The following PRAG1 variants were observed in gnomAD, a reference collection of about 807,000 sequenced individuals.
The protein encoded by PRAG1 is inactive tyrosine-protein kinase PRAG1.
A neutral mutation model predicts 95.6 loss-of-function variants in PRAG1; 110 were observed. The observed-to-expected ratio is 1.15, with a 90% CI of 0.99 to 1.35. PRAG1 has a LOEUF of 1.35. PRAG1 is among the 40% of genes most tolerant of loss of function. PRAG1 has a pLI of 0.00. For synonymous variants in PRAG1, 1,052 were observed against 819.4 expected (o/e 1.28, Z -4.85); for missense variants, 2,554 against 1,864.7 (o/e 1.37, Z -6.81).
chr8:8,381,252 G>C (rs1038988436), intron 2 of PRAG1, among the ~76,000 whole-genome samples, 166 bp downstream of exon 2: 2 of 152,226 alleles, frequency 1.3e-5, no homozygotes, highest in Admixed American at 6.5e-5. Context: ...AGAGAAAGGA[G>C]AGCAGCTACA....
intron 3 of PRAG1, among the ~76,000 whole-genome samples, chr8:8,350,374 A>T (rs895650275): frequency 3.3e-5 from 5 of 152,228 alleles, no homozygotes; most frequent in Admixed American, 6.5e-5. Flanking sequence ...CTCTAAAATG[A>T]TCACCTAAGA....
chr8:8,344,475 A>T (rs955609707), intron 3 of PRAG1, among the ~76,000 whole-genome samples: 6 of 152,246 alleles, frequency 3.9e-5, no homozygotes, highest in Non-Finnish European at 8.8e-5. Context: ...GATACTCATC[A>T]ACTTCAAGAC....
chr8:8,324,970 G>A (rs1798587610), intron 5 of PRAG1, among the ~76,000 whole-genome samples: 1 of 152,200 alleles, frequency 6.6e-6, no homozygotes, highest in African/African-American at 2.4e-5. Context: ...TCCAGCATCA[G>A]CAAGGAGCAG....
At chr8:8,349,143 C>T (rs951739330) in intron 3 of PRAG1, among the ~76,000 whole-genome samples, 4 of 152,104 alleles carry the variant, frequency 2.6e-5, no homozygotes, top group Non-Finnish European at 5.9e-5. Context: ...ACAAAATACA[C>T]CTGTTCTAAA....
chr8:8,374,503 C>A (rs2116926883), intron 3 of PRAG1: 1 of 290,710 alleles, frequency 3.4e-6, no homozygotes, highest in East Asian at 1.8e-4. Context: ...GTTACCCTAG[C>A]TTTCTATCTC....
intron 3 of PRAG1, among the ~76,000 whole-genome samples, chr8:8,359,573 G>T (rs945050316): frequency 6.6e-6 from 1 of 152,146 alleles, no homozygotes; most frequent in African/African-American, 2.4e-5. Flanking sequence ...TAAAATTGGA[G>T]TATTGGATGA....
In PRAG1 at chr8:8,371,079, T is replaced by C. The variant is rs1181030898; in HGVS notation, c.2162+5168A>G. 2.3e-5 allele frequency among the ~76,000 whole-genome samples: 3 copies of C among 132,462 alleles called. No homozygotes were observed. The Admixed American group carries it at 2.7e-4, about 12-fold the overall frequency. The allele number at this position is 132,462 out of a possible 152,430, so 86.9% of individuals were successfully genotyped here. ...TGAACCCGGGAGGCGGAGGTTGCAGTAAGGCAAGGTACCACCACTGTACTC... is the reference window on the plus strand; with the variant it reads ...TGAACCCGGGAGGCGGAGGTTGCAGCAAGGCAAGGTACCACCACTGTACTC... On this transcript the variant is annotated intron_variant, in intron 3 of 5. Transcript: ENST00000615670.
intron 4 of PRAG1, among the ~76,000 whole-genome samples, chr8:8,330,238 T>C (rs2945902): frequency 0.22 from 32,872 of 151,832 alleles, 3,977 homozygotes; most frequent in African/African-American, 0.33. Flanking sequence ...TGGTGGTGCA[T>C]GCCTATAATC....
At chr8:8,370,741 A>G (rs1800165261) in intron 3 of PRAG1, among the ~76,000 whole-genome samples, 1 of 152,164 alleles carries the variant, frequency 6.6e-6, no homozygotes, top group African/African-American at 2.4e-5. Flanking sequence ...CACACAGTGA[A>G]GTCATGTCAG....
At chr8:8,365,367 T>G (rs1334474945) in intron 3 of PRAG1, among the ~76,000 whole-genome samples, 2 of 152,176 alleles carry the variant, frequency 1.3e-5, no homozygotes, top group African/African-American at 4.8e-5. Context: ...CTCACACCTG[T>G]AATCCCAACA....
chr8:8,321,731 G>A (rs1798477368), intron 5 of PRAG1, among the ~76,000 whole-genome samples: 4 of 152,126 alleles, frequency 2.6e-5, no homozygotes, highest in Admixed American at 2.6e-4. Context: ...GAGGTCAAAA[G>A]CATGGGCTCT....
chr8:8,366,911 C>G (rs1476823454), intron 3 of PRAG1, among the ~76,000 whole-genome samples: 2 of 152,054 alleles, frequency 1.3e-5, no homozygotes, highest in East Asian at 3.9e-4. Context: ...CTCCTGGGTG[C>G]AAGTGATTCT....
chr8:8,370,426 T>C (rs562435651), intron 3 of PRAG1, among the ~76,000 whole-genome samples: 10 of 152,342 alleles, frequency 6.6e-5, no homozygotes, highest in Admixed American at 3.3e-4. Flanking sequence ...AGCCTACTTA[T>C]TTAAGTTTTG....
chr8:8,361,331 C>A, intron 3 of PRAG1, among the ~76,000 whole-genome samples: 1 of 152,152 alleles, frequency 6.6e-6, no homozygotes, highest in Non-Finnish European at 1.5e-5. Flanking sequence ...TCCTGGAATT[C>A]CCAAGAATCT....
chr8:8,363,654 G>A (rs1429792594), intron 3 of PRAG1, among the ~76,000 whole-genome samples: 1 of 152,054 alleles, frequency 6.6e-6, no homozygotes, highest in Non-Finnish European at 1.5e-5. Context: ...TACAACAAAT[G>A]GAAACTACTA....
Position 8,318,187 on chromosome 8 carries a change from G to C in PRAG1, c.4188C>G (p.Leu1396=), listed in dbSNP as rs1554499934. The change falls in exon 6 of 6, where the codon CTC becomes CTG. Residue 1396 remains leucine, a synonymous_variant. Transcript: ENST00000615670. The surrounding 1 kb of genome is among the most constrained non-coding windows in gnomAD (Gnocchi z 4.2). ...GCTGCAGGAGCTTCAGCGACTGTAA[G>C]AGGGCCCCGGGCTCCGCAGACGCCA... ...QYLASAEPGA[L]LQSLKLLQLL 1.9e-6 allele frequency: 3 copies of C among 1,613,788 alleles called. No individual in the cohort carries two copies. The highest frequency in any genetic ancestry group is 1.1e-5 in the South Asian group (1 of 91,072).
At chr8:8,328,599 A>G in intron 4 of PRAG1, 138 bp from the exon 5 acceptor site, 1 of 867,676 alleles carries the variant, frequency 1.2e-6, no homozygotes, top group East Asian at 3.3e-5. Context: ...CTATTTCTCT[A>G]ATAGACAATA....
At chr8:8,349,521 A>T (rs913273152) in intron 3 of PRAG1, among the ~76,000 whole-genome samples, 2 of 151,962 alleles carry the variant, frequency 1.3e-5, no homozygotes, top group Admixed American at 1.3e-4. Context: ...TGACCTCGTG[A>T]TCCACCTGCC....
chr8:8,344,350 G>C (rs139865795), intron 3 of PRAG1, among the ~76,000 whole-genome samples: 8 of 152,246 alleles, frequency 5.3e-5, no homozygotes, highest in Non-Finnish European at 1.2e-4. Flanking sequence ...TTAAAATGCT[G>C]AGTATTAAAA....
Sources: allele counts gnomAD v4.1 joint callset (sites outside exome capture counted in the v4.1 genomes callset), GRCh38; gene constraint gnomAD v4.1.1; non-coding constraint Gnocchi (gnomAD v3.1); transcripts MANE v1.5; gene names NCBI Gene and HGNC (gene_info 2026-07-23, HGNC 2026-07-21).